Variants in KMT2B observed in about 807,000 individuals in gnomAD.
The protein encoded by KMT2B is lysine methyltransferase 2B.
In KMT2B, 22 loss-of-function variants were observed where a neutral mutation model predicts 255.3. The observed-to-expected ratio is 0.09, with a 90% CI of 0.06 to 0.12. KMT2B has a LOEUF of 0.12. Among genes scored for constraint, KMT2B ranks in the 10% least tolerant of loss-of-function variants. The probability of loss-of-function intolerance (pLI) is 1.00; values close to 1 mark genes in which losing one functional copy is unlikely to be tolerated. For synonymous variants in KMT2B, 1,730 were observed against 1,498.1 expected (o/e 1.15, Z -3.57); for missense variants, 3,149 against 3,737.0 (o/e 0.84, Z 4.10).
Position 35,730,470 on chromosome 19 carries a change from G to A in KMT2B, c.5197+8G>A. 6.2e-7 allele frequency: 1 copy of A among 1,613,902 alleles called. No homozygotes were observed. The highest frequency in any genetic ancestry group is 8.5e-7 in the Non-Finnish European group (1 of 1,179,788). On this transcript the variant is annotated splice_region_variant and intron_variant, in intron 24 of 36. Transcript: ENST00000420124. ...CCATCAACGTGCTCATTGGTAAGCTGCCTGCTCTCCGCCCTGTCCTCCTAC... is the reference window on the plus strand; with the variant it reads ...CCATCAACGTGCTCATTGGTAAGCTACCTGCTCTCCGCCCTGTCCTCCTAC...
At position 35,727,811 on chromosome 19, in the gene KMT2B, A is replaced by T; in HGVS notation, c.4392+24A>T. 1.2e-6 allele frequency: 2 copies of T among 1,613,364 alleles called. No homozygotes were observed. The highest frequency in any genetic ancestry group is 1.7e-6 in the Non-Finnish European group (2 of 1,179,412). On this transcript the variant is annotated intron_variant, in intron 17 of 36. Transcript: ENST00000420124. This position sits in a 1 kb window ranked among gnomAD's most constrained non-coding sequence, Gnocchi z 4.2. Reference sequence around the variant, plus strand: ...TGGTGAGTGGTACACCAGGAGGAGCAGGTGGGTGGCAGGAGGAGAGGGCTG... The same window carrying T: ...TGGTGAGTGGTACACCAGGAGGAGCTGGTGGGTGGCAGGAGGAGAGGGCTG...
chr19:35,721,203 C>T lies in KMT2B; in HGVS notation c.1856C>T (p.Pro619Leu). 6.5e-7 allele frequency: 1 copy of T among 1,534,330 alleles called. No homozygotes were observed. Among genetic ancestry groups the T allele is most frequent in the Non-Finnish European group, 8.8e-7 (1 of 1,139,874 alleles). The change falls in exon 3 of 37, where the codon CCC (proline) becomes CTC (leucine). Residue 619 changes from proline to leucine, a missense_variant. Pro to Leu is a moderately conservative substitution (Grantham distance 98). Coordinates refer to ENST00000420124, the MANE Select transcript of KMT2B (RefSeq NM_014727.3). ...TGGACCTCACTGACCCGGGAGCTGC[C>T]CCCTCCTCCCCCAGCCCCTCCACCT... ...FRWTSLTRELPPPPPAPPPPP... is the reference protein window; with the variant it reads ...FRWTSLTRELLPPPPAPPPPP...
In KMT2B at chr19:35,737,003, A is replaced by G. The variant is rs1172546135; in HGVS notation, c.7372+17A>G. On this transcript the variant is annotated intron_variant, in intron 32 of 36. Coordinates refer to ENST00000420124, the MANE Select transcript of KMT2B (RefSeq NM_014727.3). This position sits in a 1 kb window ranked among gnomAD's most constrained non-coding sequence, Gnocchi z 5.3. ...CCTTTAGTGGTAAGGAGTGGGCCCC[A>G]CAGGGGGCAGGGAGCTGGATGTCTC... 2 of 1,612,484 alleles carry G rather than the reference A, an allele frequency of 1.2e-6. No homozygotes were observed. The highest frequency in any genetic ancestry group is 2.2e-5 in the South Asian group (2 of 90,892).
Position 35,719,963 on chromosome 19 carries a change from C to T in KMT2B, c.616C>T (p.Pro206Ser). The T allele has an allele frequency of 6.2e-7, 1 of 1,613,360 alleles. No individual in the cohort carries two copies. Among genetic ancestry groups the T allele is most frequent in the Non-Finnish European group, 8.5e-7 (1 of 1,179,838 alleles). Residue 206 changes from proline (P) to serine (S), a missense_variant, in exon 3 of 37, where the codon CCC becomes TCC. Transcript: ENST00000420124. ...CCGGCGGGCCCAGGCACCCCAAGCACCCCGGAGCCGGGCATGTGAGCCCTC... is the reference window on the plus strand; with the variant it reads ...CCGGCGGGCCCAGGCACCCCAAGCATCCCGGAGCCGGGCATGTGAGCCCTC... The part of the protein sequence containing the change: ...LLRRAQAPQA[P>S]RSRACEPSTP...
At position 35,738,353 on chromosome 19, in the gene KMT2B, C is replaced by A. The variant is rs768778967; in HGVS notation, c.7944C>A (p.Ala2648=). 6.2e-7 allele frequency: 1 copy of A among 1,613,964 alleles called. No individual in the cohort carries two copies. Among genetic ancestry groups the A allele is most frequent in the African/African-American group, 1.3e-5 (1 of 75,042 alleles). The stretch of plus-strand genomic sequence containing the variant: ...ACGCCACGATGCATGGCAATGCCGC[C>A]CGCTTCATCAACCACTCCTGTGAGC... ...VVDATMHGNA[A]RFINHSCEPN... The change falls in exon 37 of 37, where the codon GCC becomes GCA. Residue 2648 remains alanine (A), a synonymous_variant. Coordinates refer to ENST00000420124, the MANE Select transcript of KMT2B (RefSeq NM_014727.3). This position sits in a 1 kb window ranked among gnomAD's most constrained non-coding sequence, Gnocchi z 8.7.
chr19:35,730,638 T>C (rs748790918), intron 25 of KMT2B, 22 bp downstream of exon 25: 4 of 1,613,822 alleles, frequency 2.5e-6, no homozygotes, highest in Non-Finnish European at 3.4e-6. Context: ...GGGTGATCCA[T>C]GGGGCCAGGG....
chr19:35,720,115 G>A lies in KMT2B; in HGVS notation c.768G>A (p.Val256=). 1.3e-6 allele frequency: 2 copies of A among 1,599,444 alleles called. No homozygotes were observed. The highest frequency in any genetic ancestry group is 1.7e-6 in the Non-Finnish European group (2 of 1,173,084). The change falls in exon 3 of 37, where the codon GTG becomes GTA. Residue 256 remains valine, a synonymous_variant. Transcript: ENST00000420124. The stretch of plus-strand genomic sequence containing the variant: ...CCAAACCTGAGCCCCCACCTCCTGT[G>A]GTTCCAGTGAAACATCAGACTGGCA... ...TIPKPEPPPP[V]VPVKHQTGSW... is the part of the protein sequence containing the mutation.
At position 35,725,898 on chromosome 19, in the gene KMT2B, C is replaced by G. The variant is rs1021385606; in HGVS notation, c.3885+80C>G. 60 of 1,191,864 alleles carry G rather than the reference C, an allele frequency of 5.0e-5. No homozygotes were observed. The Admixed American group carries it at 1.2e-3, about 23-fold the overall frequency. 73.8% of individuals were successfully genotyped at this position (1,191,864 alleles called of 1,614,324 possible). A position where few individuals can be genotyped will look rare whatever the true frequency, so the allele number is the denominator to read the frequency against. ...CCCAAACTTGCTCTAGGCTGGGGCT[C>G]TCAGGAGGAGCAGAGGTTGGGGATC... is the stretch of plus-strand genomic sequence containing the variant. On this transcript the variant is annotated intron_variant, in intron 13 of 36. Coordinates refer to ENST00000420124, the MANE Select transcript of KMT2B (RefSeq NM_014727.3). The surrounding 1 kb of genome is among the most constrained non-coding windows in gnomAD (Gnocchi z 4.1).
chr19:35,728,722 C>A, intron 19 of KMT2B, 52 bp from the exon 20 acceptor site: 1 of 1,438,066 alleles, frequency 7.0e-7, no homozygotes, highest in Non-Finnish European at 9.7e-7. Flanking sequence ...GATGGGCCCC[C>A]GTTCAGCTGC....
intron 5 of KMT2B, 45 bp downstream of exon 5, chr19:35,722,763 C>G: frequency 6.5e-7 from 1 of 1,540,476 alleles, no homozygotes; most frequent in Non-Finnish European, 8.7e-7. Context: ...GGGGATGACC[C>G]CACACTTGGG....
Position 35,737,721 on chromosome 19 carries a change from G to A in KMT2B, c.7636G>A (p.Glu2546Lys). The change falls in exon 34 of 37, where the codon GAG (glutamate) becomes AAG (lysine). Residue 2546 changes from glutamate to lysine, a missense_variant. Glu to Lys is a moderately conservative substitution (Grantham distance 56). Transcript: ENST00000420124. The surrounding 1 kb of genome is among the most constrained non-coding windows in gnomAD (Gnocchi z 5.3). ...GGCCACCTGTGATGAGGAAGAGGATGAGGTGCAGCTCAGGTCAACCAGGTA... is the reference window on the plus strand; with the variant it reads ...GGCCACCTGTGATGAGGAAGAGGATAAGGTGCAGCTCAGGTCAACCAGGTA... ...EGATCDEEED[E>K]VQLRSTRRAT... 6.3e-7 allele frequency: 1 copy of A among 1,582,856 alleles called. No homozygotes were observed. Among genetic ancestry groups the A allele is most frequent in the Non-Finnish European group, 8.6e-7 (1 of 1,164,176 alleles).
At position 35,729,911 on chromosome 19, in the gene KMT2B, G is replaced by C. The variant is rs1227889059; in HGVS notation, c.4918-56G>C. 59 of 1,545,774 alleles carry C rather than the reference G, an allele frequency of 3.8e-5. 1 individual carries two copies. The East Asian group carries it at 1.3e-3, about 34-fold the overall frequency. ...CCCATGCAGACTCAGTGACAGTGGT[G>C]CCTGGCGCCCAGCCCCAGCCCTGGC... is the stretch of plus-strand genomic sequence containing the variant. On this transcript the variant is annotated intron_variant, in intron 22 of 36. Coordinates refer to ENST00000420124, the MANE Select transcript of KMT2B (RefSeq NM_014727.3).
chr19:35,729,099 C>T, intron 21 of KMT2B, 23 bp downstream of exon 21: 2 of 1,613,986 alleles, frequency 1.2e-6, no homozygotes, highest in Non-Finnish European at 1.7e-6. Context: ...CTGTGACGCA[C>T]CAGGTTGTGG....
chr19:35,736,705 C>T lies in KMT2B; in HGVS notation c.7175C>T (p.Ser2392Phe), dbSNP rs1457051756. ...WHHYSGEASSSEEEPPSPDDK... is the reference protein window; with the variant it reads ...WHHYSGEASSFEEEPPSPDDK... ...TTGGGACCAGGTGAGGCTTCGAGCTCTGAGGAAGAGCCTCCATCCCCAGAT... is the reference window on the plus strand; with the variant it reads ...TTGGGACCAGGTGAGGCTTCGAGCTTTGAGGAAGAGCCTCCATCCCCAGAT... Residue 2392 changes from serine (S) to phenylalanine (F), a missense_variant, in exon 31 of 37, where the codon TCT becomes TTT. Ser to Phe is a radical substitution (Grantham distance 155). Around this residue, in one of 18 missense-constraint regions of KMT2B, gnomAD observed 897 missense variants for 825.3 expected, o/e 1.09. Transcript: ENST00000420124. 1 of 1,613,878 alleles carries T rather than the reference C, an allele frequency of 6.2e-7. No homozygotes were observed. Among genetic ancestry groups the T allele is most frequent in the Admixed American group, 1.7e-5 (1 of 60,018 alleles).
chr19:35,733,352 C>T lies in KMT2B; in HGVS notation c.6803C>T (p.Pro2268Leu). ...CTGACGCTGGTGCTGAGCAGTGGGCCAGCCAGCCCGCCCCGCCAGGCCATC... is the reference window on the plus strand; with the variant it reads ...CTGACGCTGGTGCTGAGCAGTGGGCTAGCCAGCCCGCCCCGCCAGGCCATC... ...PPLTLVLSSG[P>L]ASPPRQAIRV... is the part of the protein sequence containing the mutation. The change falls in exon 28 of 37, where the codon CCA becomes CTA. Residue 2268 changes from proline (P) to leucine (L), a missense_variant. Pro to Leu is a moderately conservative substitution (Grantham distance 98). This residue lies in a region of KMT2B where 897 missense variants were observed against 825.3 expected (regional missense o/e 1.09). Coordinates refer to ENST00000420124, the MANE Select transcript of KMT2B (RefSeq NM_014727.3). The surrounding 1 kb of genome is among the most constrained non-coding windows in gnomAD (Gnocchi z 4.3). 1 of 1,546,358 alleles carries T rather than the reference C, an allele frequency of 6.5e-7. No homozygotes were observed. The highest frequency in any genetic ancestry group is 2.0e-5 in the Admixed American group (1 of 51,060).
Position 35,732,915 on chromosome 19 carries a change from G to C in KMT2B, c.6366G>C (p.Gly2122=). The change falls in exon 28 of 37, where the codon GGG becomes GGC. Residue 2122 remains glycine, a synonymous_variant. Coordinates refer to ENST00000420124, the MANE Select transcript of KMT2B (RefSeq NM_014727.3). Reference sequence around the variant, plus strand: ...TGGATTTTGTGTTGAAGAACCTAGGGGGTCCTGGGGATGGAGGTGCTGGCC... The same window carrying C: ...TGGATTTTGTGTTGAAGAACCTAGGCGGTCCTGGGGATGGAGGTGCTGGCC... ...EIVDFVLKNL[G]GPGDGGAGPR... The C allele has an allele frequency of 6.2e-7, 1 of 1,609,484 alleles. No individual in the cohort carries two copies. Among genetic ancestry groups the C allele is most frequent in the East Asian group, 2.2e-5 (1 of 44,782 alleles).
In KMT2B at chr19:35,721,414, T is replaced by C. The variant is rs1467703560; in HGVS notation, c.2067T>C (p.Ala689=). 7 of 1,611,170 alleles carry C rather than the reference T, an allele frequency of 4.3e-6. No individual in the cohort carries two copies. The highest frequency in any genetic ancestry group is 5.1e-6 in the Non-Finnish European group (6 of 1,179,404). The change falls in exon 3 of 37, where the codon GCT becomes GCC. Residue 689 remains alanine, a synonymous_variant. Coordinates refer to ENST00000420124, the MANE Select transcript of KMT2B (RefSeq NM_014727.3). Reference sequence around the variant, plus strand: ...CTCCTCCTGCCGATGACTCTCCAGCTGAGCCTGAGCCTCGGGCAGTGGGCC... The same window carrying C: ...CTCCTCCTGCCGATGACTCTCCAGCCGAGCCTGAGCCTCGGGCAGTGGGCC... ...PEPPPADDSP[A]EPEPRAVGRT...
Position 35,724,025 on chromosome 19 carries a change from C to T in KMT2B, c.3334+18C>T. On this transcript the variant is annotated intron_variant, in intron 8 of 36. Coordinates refer to ENST00000420124, the MANE Select transcript of KMT2B (RefSeq NM_014727.3). ...AGAAAATGGTGCGAACTGCTTAATG[C>T]TTTCTCTGTTGATCATTTATTTGGT... is the stretch of plus-strand genomic sequence containing the variant. 1.3e-6 allele frequency: 2 copies of T among 1,556,154 alleles called. No homozygotes were observed. Among genetic ancestry groups the T allele is most frequent in the East Asian group, 2.3e-5 (1 of 44,098 alleles).
chr19:35,738,727 C>A lies in KMT2B; in HGVS notation c.*170C>A. 2.8e-6 allele frequency: 2 copies of A among 705,000 alleles called. No homozygotes were observed. Among genetic ancestry groups the A allele is most frequent in the African/African-American group, 1.8e-5 (1 of 55,824 alleles). The allele number at this position is 705,000 out of a possible 1,614,324, so 43.7% of individuals were successfully genotyped here. A position where few individuals can be genotyped will look rare whatever the true frequency, so the allele number is the denominator to read the frequency against. ...GGGCCCTGCCTCCACCCCTCCAGCC[C>A]ATCCAGCAATCGCCCCCTTTCTGCC... On this transcript the variant is annotated 3_prime_UTR_variant, in exon 37 of 37. Coordinates refer to ENST00000420124, the MANE Select transcript of KMT2B (RefSeq NM_014727.3). This position sits in a 1 kb window ranked among gnomAD's most constrained non-coding sequence, Gnocchi z 8.7.
Sources: gnomAD v4.1 joint callset for allele counts on GRCh38, gnomAD v4.1.1 for gene constraint, gnomAD v4.1.1 regional missense constraint, Gnocchi (gnomAD v3.1) non-coding constraint, MANE v1.5 for transcripts, NCBI Gene and HGNC (gene_info 2026-07-23, HGNC 2026-07-21) for gene names.